Variants in KCNMA1 observed in about 807,000 individuals in gnomAD.
The protein encoded by KCNMA1 is Calcium-activated potassium channel subunit alpha-1.
KCNMA1 carries 29 observed loss-of-function variants against 140.0 expected under a neutral mutation model. That is an observed-to-expected ratio of 0.21 (90% confidence interval 0.15 to 0.28). KCNMA1 has a LOEUF of 0.28. KCNMA1 is among the 10% of genes least tolerant of loss of function. The probability of loss-of-function intolerance (pLI) is 1.00; values close to 1 mark genes in which losing one functional copy is unlikely to be tolerated. For missense variants in KCNMA1, 880 were observed against 1,602.2 expected (o/e 0.55, Z 7.70); for synonymous variants, 612 against 611.9 (o/e 1.00, Z 0.00).
intron 1 of KCNMA1, among the ~76,000 whole-genome samples, chr10:77,591,690 A>T (rs1232557086): frequency 1.3e-5 from 2 of 152,192 alleles, no homozygotes; most frequent in Non-Finnish European, 2.9e-5. Flanking sequence ...TTTTACATGC[A>T]ATCCCTGTGC....
intron 2 of KCNMA1, among the ~76,000 whole-genome samples, chr10:77,310,270 C>A (rs1019333074): frequency 3.3e-5 from 5 of 152,134 alleles, no homozygotes; most frequent in African/African-American, 7.2e-5. Context: ...AGGAGTGCCC[C>A]CTCAGCTGCC....
At chr10:77,452,373 G>A (rs1805025635) in intron 1 of KCNMA1, among the ~76,000 whole-genome samples, 1 of 152,320 alleles carries the variant, frequency 6.6e-6, no homozygotes, top group East Asian at 1.9e-4. Flanking sequence ...GATGGAGCTG[G>A]GAATGGGGGG....
At position 76,920,018 on chromosome 10, in the gene KCNMA1, G is replaced by GTA. The variant is rs1340604804; in HGVS notation, c.2903-4970_2903-4969insTA. 2.4e-3 allele frequency among the ~76,000 whole-genome samples: 105 copies of GTA among 43,580 alleles called. 3 individuals are homozygous for GTA. The highest frequency in any genetic ancestry group is 0.033 in the Middle Eastern group (2 of 60). The allele number at this position is 43,580 out of a possible 152,430, so 28.6% of individuals were successfully genotyped here. ...TGTGTGTGTGTGTGTGTGTGTGTGT[G>GTA]TGTATATATATATATATATATATAT... On this transcript the variant is annotated intron_variant, in intron 23 of 27. Coordinates refer to ENST00000286628, the MANE Select transcript of KCNMA1 (RefSeq NM_001161352.2).
chr10:77,163,150 C>T (rs1474288681), intron 5 of KCNMA1, among the ~76,000 whole-genome samples: 1 of 152,194 alleles, frequency 6.6e-6, no homozygotes, highest in Non-Finnish European at 1.5e-5. Context: ...CTGGCCACCA[C>T]CAGTTCTTGC....
intron 23 of KCNMA1, among the ~76,000 whole-genome samples, 180 bp downstream of exon 23, chr10:76,944,593 G>C (rs1265443323): frequency 6.6e-6 from 1 of 152,208 alleles, no homozygotes; most frequent in African/African-American, 2.4e-5. Flanking sequence ...TCTCAAGCCT[G>C]CATTCTGGAA....
At chr10:77,107,194 T>C (rs1239306183) in intron 9 of KCNMA1, among the ~76,000 whole-genome samples, 2 of 152,076 alleles carry the variant, frequency 1.3e-5, no homozygotes, top group Non-Finnish European at 2.9e-5. Flanking sequence ...TTTTATTTCC[T>C]CTTAAAAAAA....
intron 14 of KCNMA1, among the ~76,000 whole-genome samples, chr10:77,058,047 G>A (rs898615030): frequency 6.7e-6 from 1 of 150,372 alleles, no homozygotes; most frequent in Non-Finnish European, 1.5e-5. Context: ...GATAGGTTTG[G>A]TTCAAACAAA....
intron 12 of KCNMA1, 25 bp from the exon 13 acceptor site, chr10:77,079,575 A>AT: frequency 6.6e-7 from 1 of 1,506,024 alleles, no homozygotes; most frequent in East Asian, 2.3e-5. Flanking sequence ...ACCAATGCTG[A>AT]GACAGGTCTG....
At chr10:76,891,157 C>T (rs959125210) in intron 26 of KCNMA1, among the ~76,000 whole-genome samples, 1 of 152,220 alleles carries the variant, frequency 6.6e-6, no homozygotes, top group African/African-American at 2.4e-5. Context: ...TGCTGCTTCT[C>T]ACCTTGTGCA....
intron 1 of KCNMA1, among the ~76,000 whole-genome samples, chr10:77,514,729 C>T (rs914230197): frequency 6.6e-6 from 1 of 152,196 alleles, no homozygotes; most frequent in African/African-American, 2.4e-5. Context: ...TAAGAATAAG[C>T]TGAGGAACAA....
chr10:77,382,994 G>GTATATATATA (rs544257955), intron 2 of KCNMA1, among the ~76,000 whole-genome samples: 23 of 46,430 alleles, frequency 5.0e-4, no homozygotes, highest in African/African-American at 1.3e-3. Flanking sequence ...GTGTGTGTGT[G>GTATATATATA]TATATATATA....
chr10:77,382,959 C>CGT lies in KCNMA1; in HGVS notation c.540+20901_540+20902dup, dbSNP rs57049025. Among the ~76,000 whole-genome samples the CGT allele has an allele frequency of 8.9e-3, 688 of 76,942 alleles. 7 individuals are homozygous for CGT. The highest frequency in any genetic ancestry group is 0.013 in the Non-Finnish European group (473 of 37,768). 50.5% of individuals were successfully genotyped at this position (76,942 alleles called of 152,430 possible). A position where few individuals can be genotyped will look rare whatever the true frequency, so the allele number is the denominator to read the frequency against. On this transcript the variant is annotated intron_variant, in intron 2 of 27. Transcript: ENST00000286628. ...ATATATACACATATACATATATATA[C>CGT]GTGTGTGTGTGTGTGTGTGTGTGTG...
chr10:77,475,039 A>G (rs1320287270), intron 1 of KCNMA1, among the ~76,000 whole-genome samples: 1 of 152,168 alleles, frequency 6.6e-6, no homozygotes, highest in Non-Finnish European at 1.5e-5. Context: ...GGGTGATGTC[A>G]GGAGGCTGCT....
At chr10:77,485,750 G>A (rs975264786) in intron 1 of KCNMA1, among the ~76,000 whole-genome samples, 1 of 152,208 alleles carries the variant, frequency 6.6e-6, no homozygotes, top group African/African-American at 2.4e-5. Flanking sequence ...CAGGGTCAGA[G>A]AGCAGGCCTT....
At chr10:77,045,322 T>C (rs1313321710) in intron 14 of KCNMA1, among the ~76,000 whole-genome samples, 22 of 152,180 alleles carry the variant, frequency 1.4e-4, no homozygotes, top group Non-Finnish European at 5.9e-5. Context: ...GAGGCAGCAA[T>C]TTATCCTTTG....
At chr10:77,038,531 A>C (rs1356213307) in intron 15 of KCNMA1, among the ~76,000 whole-genome samples, 1 of 152,122 alleles carries the variant, frequency 6.6e-6, no homozygotes, top group African/African-American at 2.4e-5. Context: ...CTTAAACTCA[A>C]CATCTGAGAT....
chr10:77,558,873 T>C (rs1567541847), intron 1 of KCNMA1, among the ~76,000 whole-genome samples: 1 of 152,240 alleles, frequency 6.6e-6, no homozygotes, highest in South Asian at 2.1e-4. Flanking sequence ...AGCTGGCCTG[T>C]TGGCCTCCCC....
chr10:77,368,690 G>A (rs550108967), intron 2 of KCNMA1, among the ~76,000 whole-genome samples: 1 of 152,110 alleles, frequency 6.6e-6, no homozygotes, highest in South Asian at 2.1e-4. Flanking sequence ...GATCCACTTT[G>A]AGTCAATTTT....
intron 3 of KCNMA1, among the ~76,000 whole-genome samples, chr10:77,229,498 G>A (rs779887401): frequency 6.6e-6 from 1 of 152,194 alleles, no homozygotes; most frequent in Non-Finnish European, 1.5e-5. Context: ...TGCCAGGCAT[G>A]TGCCAGGAGC....
Sources: gnomAD v4.1 joint callset for allele counts (sites outside exome capture counted in the v4.1 genomes callset) on GRCh38, gnomAD v4.1.1 for gene constraint, MANE v1.5 for transcripts, NCBI Gene and HGNC (gene_info 2026-07-23, HGNC 2026-07-21) for gene names.